DNM2: variants seen among roughly 807,000 people sequenced by gnomAD.
DNM2 encodes dynamin 2.
Under a neutral mutation model 99.0 loss-of-function variants are expected in DNM2, and 15 were observed. That is an observed-to-expected ratio of 0.15 (90% CI 0.10 to 0.23). DNM2 has a LOEUF of 0.23. DNM2 is among the 10% of genes least tolerant of loss of function. DNM2 has a pLI of 1.00. For synonymous variants in DNM2, 525 were observed against 481.2 expected (o/e 1.09, Z -1.19); for missense variants, 742 against 1,189.4 (o/e 0.62, Z 5.53).
intron 4 of DNM2, among the ~76,000 whole-genome samples, chr19:10,776,261 C>T (rs115525184): frequency 3.9e-5 from 6 of 152,232 alleles, no homozygotes; most frequent in Admixed American, 1.3e-4. Flanking sequence ...TTAGTCAGAA[C>T]GGGAACTTCA....
At position 10,820,035 on chromosome 19, in the gene DNM2, A is replaced by G; in HGVS notation, c.1727A>G (p.Glu576Gly). ...PLDNLKIRDVEKGFMSNKHVF... is the reference protein window; with the variant it reads ...PLDNLKIRDVGKGFMSNKHVF... Reference sequence around the variant, plus strand: ...GACAACCTCAAGATCCGTGATGTGGAGAAGGGCTTCATGTCCAACAAGCAC... The same window carrying G: ...GACAACCTCAAGATCCGTGATGTGGGGAAGGGCTTCATGTCCAACAAGCAC... Residue 576 changes from glutamate (E) to glycine (G), a missense_variant, in exon 16 of 21, where the codon GAG becomes GGG. Transcript: ENST00000389253. The surrounding 1 kb of genome is among the most constrained non-coding windows in gnomAD (Gnocchi z 4.3). 1 of 1,614,180 alleles carries G rather than the reference A, an allele frequency of 6.2e-7. No individual in the cohort carries two copies. Among genetic ancestry groups the G allele is most frequent in the Non-Finnish European group, 8.5e-7 (1 of 1,180,024 alleles).
chr19:10,795,975 G>T lies in DNM2; in HGVS notation c.1196+536G>T. The T allele has an allele frequency of 6.2e-7, 1 of 1,600,400 alleles. No individual in the cohort carries two copies. The highest frequency in any genetic ancestry group is 1.1e-5 in the South Asian group (1 of 90,562). ...GACACAACCTTCATTCCTTGTTGGGGACCCGGCCAGGGCCAATGAAATTGC... is the reference window on the plus strand; with the variant it reads ...GACACAACCTTCATTCCTTGTTGGGTACCCGGCCAGGGCCAATGAAATTGC... On this transcript the variant is annotated intron_variant, in intron 9 of 20. Coordinates refer to ENST00000389253, the MANE Select transcript of DNM2 (RefSeq NM_001005361.3). The surrounding 1 kb of genome is among the most constrained non-coding windows in gnomAD (Gnocchi z 4.2).
chr19:10,793,136 C>G (rs988777726), intron 7 of DNM2, among the ~76,000 whole-genome samples: 6 of 152,124 alleles, frequency 3.9e-5, no homozygotes, highest in Admixed American at 3.9e-4. Flanking sequence ...CACAAAATAA[C>G]AGTGCATTTT....
chr19:10,781,018 TAAAAAAAAAAA>T (rs5827115), intron 5 of DNM2, among the ~76,000 whole-genome samples: 4 of 114,434 alleles, frequency 3.5e-5, no homozygotes, highest in South Asian at 2.9e-4. Context: ...ACTCTGTCTT[TAAAAAAAAAAA>T]AAAAAAAAAA....
intron 11 of DNM2, among the ~76,000 whole-genome samples, chr19:10,801,908 GA>G (rs34959391): frequency 0.17 from 17,606 of 100,976 alleles, 1,301 homozygotes; most frequent in Middle Eastern, 0.26. Context: ...CCGTCTCGAA[GA>G]AAAAAAAAAA....
chr19:10,774,288 C>T (rs1314095270), intron 3 of DNM2, among the ~76,000 whole-genome samples: 2 of 152,104 alleles, frequency 1.3e-5, no homozygotes, highest in Non-Finnish European at 2.9e-5. Flanking sequence ...TGCACTTCAC[C>T]TGGGTAACAT....
chr19:10,813,755 G>A (rs1192622913), intron 15 of DNM2, among the ~76,000 whole-genome samples: 1 of 151,294 alleles, frequency 6.6e-6, no homozygotes, highest in East Asian at 1.9e-4. Context: ...GAGCCCAGGA[G>A]ATGGAGGCTG....
At chr19:10,751,214 A>C (rs1353599819) in intron 1 of DNM2, among the ~76,000 whole-genome samples, 3 of 152,020 alleles carry the variant, frequency 2.0e-5, no homozygotes, top group Non-Finnish European at 2.9e-5. Flanking sequence ...TGGCAAGGTT[A>C]CCCTGTCTTA....
intron 1 of DNM2, among the ~76,000 whole-genome samples, chr19:10,742,918 T>C (rs896079164): frequency 4.4e-4 from 66 of 149,774 alleles, no homozygotes; most frequent in Middle Eastern, 6.8e-3. Flanking sequence ...TCTTTCTTTT[T>C]TTTTTTTTTT....
At chr19:10,762,284 C>T (rs879154093) in intron 2 of DNM2, among the ~76,000 whole-genome samples, 3 of 152,114 alleles carry the variant, frequency 2.0e-5, no homozygotes, top group Admixed American at 6.6e-5. Context: ...ATGATCTGCC[C>T]GCCTCTGCCT....
chr19:10,752,626 G>A (rs1035488987), intron 1 of DNM2, among the ~76,000 whole-genome samples: 2 of 152,246 alleles, frequency 1.3e-5, no homozygotes, highest in African/African-American at 2.4e-5. Flanking sequence ...AGACAGCTCA[G>A]GCCCTGTGCC....
At chr19:10,735,728 C>G (rs2069500524) in intron 1 of DNM2, among the ~76,000 whole-genome samples, 1 of 151,594 alleles carries the variant, frequency 6.6e-6, no homozygotes, top group African/African-American at 2.4e-5. Context: ...TCAGGCTAGT[C>G]TCAAACTCCT....
In DNM2 at chr19:10,812,390, C is replaced by A. The variant is rs374047080; in HGVS notation, c.1671+13C>A. ...CAAGGATGAGGAGGTGAGTGGCAGG[C>A]GGGAGCAGGGCTGCTGGGGTAGGTG... On this transcript the variant is annotated intron_variant, in intron 15 of 20. Transcript: ENST00000389253. The surrounding 1 kb of genome is among the most constrained non-coding windows in gnomAD (Gnocchi z 4.0). The A allele has an allele frequency of 7.5e-6, 12 of 1,591,706 alleles. No individual in the cohort carries two copies. The highest frequency in any genetic ancestry group is 8.6e-6 in the Non-Finnish European group (10 of 1,168,088).
At chr19:10,803,525 C>A (rs2072231444) in intron 12 of DNM2, 1 of 749,932 alleles carries the variant, frequency 1.3e-6, no homozygotes, top group Non-Finnish European at 1.6e-6. Context: ...CTGTTTTCCT[C>A]ACCTTGATGT....
At position 10,823,887 on chromosome 19, in the gene DNM2, C is replaced by T. The variant is rs767496363; in HGVS notation, c.1881C>T (p.Pro627=). ...KASFLRAGVY[P]EKDQAENEDG... is the part of the protein sequence containing the mutation. ...CGTTCCTCCGAGCTGGCGTCTACCCCGAGAAGGACCAGGTGAGGAGCCGTC... is the reference window on the plus strand; with the variant it reads ...CGTTCCTCCGAGCTGGCGTCTACCCTGAGAAGGACCAGGTGAGGAGCCGTC... The change falls in exon 17 of 21, where the codon CCC becomes CCT. Residue 627 remains proline (P), a synonymous_variant. Transcript: ENST00000389253. 3.1e-6 allele frequency: 5 copies of T among 1,613,682 alleles called. No homozygotes were observed. Among genetic ancestry groups the T allele is most frequent in the South Asian group, 2.2e-5 (2 of 91,064 alleles).
intron 12 of DNM2, among the ~76,000 whole-genome samples, chr19:10,804,501 G>A (rs2072267768): frequency 6.6e-6 from 1 of 152,042 alleles, no homozygotes; most frequent in African/African-American, 2.4e-5. Flanking sequence ...GACCAGCCTG[G>A]GAAACATGGT....
chr19:10,805,527 C>T (rs1051562757), intron 12 of DNM2, among the ~76,000 whole-genome samples: 9 of 152,090 alleles, frequency 5.9e-5, no homozygotes, highest in Admixed American at 1.3e-4. Context: ...TCCAGCTACT[C>T]GGGAGACTGA....
At chr19:10,773,683 G>T (rs1254233964) in intron 3 of DNM2, among the ~76,000 whole-genome samples, 1 of 151,152 alleles carries the variant, frequency 6.6e-6, no homozygotes, top group East Asian at 1.9e-4. Flanking sequence ...GCACAGGCTG[G>T]TCTCGAACTC....
At chr19:10,722,462 A>T (rs1354663160) in intron 1 of DNM2, among the ~76,000 whole-genome samples, 1 of 152,124 alleles carries the variant, frequency 6.6e-6, no homozygotes, top group Non-Finnish European at 1.5e-5. Flanking sequence ...CCCGCACCCT[A>T]GCCTCCCGAG....
Sources: gnomAD v4.1 joint callset for allele counts (sites outside exome capture counted in the v4.1 genomes callset) on GRCh38, gnomAD v4.1.1 for gene constraint, Gnocchi (gnomAD v3.1) non-coding constraint, MANE v1.5 for transcripts, NCBI Gene and HGNC (gene_info 2026-07-23, HGNC 2026-07-21) for gene names.